The following LOXL2 variants were observed in gnomAD, a reference collection of about 807,000 sequenced individuals.
LOXL2 encodes the protein lysyl oxidase like 2.
A neutral mutation model predicts 93.0 loss-of-function variants in LOXL2; 70 were observed. The ratio of observed to expected loss-of-function variants is 0.75; its 90% CI spans 0.62 to 0.92. LOXL2 has a LOEUF of 0.92. Ranked by LOEUF, LOXL2 falls within the 40% of genes least tolerant of loss-of-function variation. The pLI, the probability that LOXL2 is intolerant of heterozygous loss-of-function variation, is 0.00. For synonymous variants in LOXL2, 438 were observed against 413.2 expected (o/e 1.06, Z -0.73); for missense variants, 973 against 1,054.9 (o/e 0.92, Z 1.08).
At chr8:23,400,431 G>T (rs187260397) in intron 1 of LOXL2, among the ~76,000 whole-genome samples, 1 of 152,176 alleles carries the variant, frequency 6.6e-6, no homozygotes, top group African/African-American at 2.4e-5. Context: ...TCAGGGGAAA[G>T]ATCTACCCCC....
At chr8:23,395,934 A>G (rs1251750580) in intron 1 of LOXL2, among the ~76,000 whole-genome samples, 1 of 152,126 alleles carries the variant, frequency 6.6e-6, no homozygotes, top group Non-Finnish European at 1.5e-5. Context: ...TTGGCCTCCC[A>G]GAGTACTAGA....
chr8:23,388,680 A>G (rs1043096910), intron 1 of LOXL2, among the ~76,000 whole-genome samples: 1 of 150,728 alleles, frequency 6.6e-6, no homozygotes, highest in Admixed American at 6.7e-5. Flanking sequence ...CTAGAAATGT[A>G]CATTTACTCC....
intron 3 of LOXL2, among the ~76,000 whole-genome samples, chr8:23,345,007 T>C (rs147103317): frequency 1.6e-3 from 242 of 152,342 alleles, no homozygotes; most frequent in Admixed American, 4.6e-3. Context: ...ATGACAGCTA[T>C]GGGCATCATT....
intron 4 of LOXL2, among the ~76,000 whole-genome samples, chr8:23,337,764 T>G (rs963822189): frequency 6.6e-6 from 1 of 152,214 alleles, no homozygotes; most frequent in Admixed American, 6.5e-5. Context: ...GCCTGAAGTT[T>G]AAGCTTCATT....
chr8:23,368,791 C>A (rs1320041373), intron 1 of LOXL2, among the ~76,000 whole-genome samples: 1 of 152,132 alleles, frequency 6.6e-6, no homozygotes, highest in African/African-American at 2.4e-5. Flanking sequence ...GGGGCTGTGA[C>A]CACCCTAGGC....
intron 13 of LOXL2, among the ~76,000 whole-genome samples, chr8:23,298,372 A>G (rs138117869): frequency 6.6e-6 from 1 of 152,362 alleles, no homozygotes; most frequent in African/African-American, 2.4e-5. Flanking sequence ...GAGGCCCATG[A>G]CTTTTCCTGC....
At chr8:23,343,881 G>A (rs1585360471) in intron 3 of LOXL2, among the ~76,000 whole-genome samples, 1 of 152,186 alleles carries the variant, frequency 6.6e-6, no homozygotes, top group African/African-American at 2.4e-5. Flanking sequence ...TTCCCACCTC[G>A]GGAGGCTGGG....
intron 4 of LOXL2, among the ~76,000 whole-genome samples, chr8:23,337,857 G>A (rs1212005632): frequency 6.6e-6 from 1 of 152,232 alleles, no homozygotes; most frequent in Non-Finnish European, 1.5e-5. Context: ...AGGCCTTGGT[G>A]AGGAGCCCCT....
At chr8:23,308,368 T>C (rs994709625) in intron 10 of LOXL2, among the ~76,000 whole-genome samples, 3 of 152,192 alleles carry the variant, frequency 2.0e-5, no homozygotes, top group African/African-American at 7.2e-5. Context: ...TGGTGGCAGA[T>C]ACCTCTGGTC....
chr8:23,357,646 A>AT (rs748751771), intron 3 of LOXL2, among the ~76,000 whole-genome samples: 149 of 136,864 alleles, frequency 1.1e-3, no homozygotes, highest in African/African-American at 2.2e-3. Flanking sequence ...GGCCTGTCTT[A>AT]TTTTTTTTTT....
At chr8:23,352,357 T>G (rs951380884) in intron 3 of LOXL2, among the ~76,000 whole-genome samples, 1 of 152,144 alleles carries the variant, frequency 6.6e-6, no homozygotes, top group Non-Finnish European at 1.5e-5. Context: ...GAATGGGGCC[T>G]CTATTTAGGC....
chr8:23,348,429 C>T (rs1218172960), intron 3 of LOXL2, among the ~76,000 whole-genome samples: 1 of 140,496 alleles, frequency 7.1e-6, no homozygotes, highest in Non-Finnish European at 1.5e-5. Flanking sequence ...ATTAGCTGGG[C>T]ACGGTGGCAC....
chr8:23,298,972 G>A (rs772473158), intron 12 of LOXL2, 25 bp from the exon 13 acceptor site: 1 of 1,407,876 alleles, frequency 7.1e-7, no homozygotes, highest in South Asian at 1.2e-5. Flanking sequence ...GGCAGAGGAG[G>A]CTGCTTGTTC....
chr8:23,390,423 C>T (rs185242213), intron 1 of LOXL2, among the ~76,000 whole-genome samples: 3 of 152,274 alleles, frequency 2.0e-5, no homozygotes, highest in East Asian at 3.9e-4. Flanking sequence ...ACTTCAGTCT[C>T]GTCTATTTCT....
In LOXL2 at chr8:23,341,207, G is replaced by A. The variant is rs2117181444; in HGVS notation, c.532-4C>T. ...CCTCCACCTGGATATTCAGGTTCTG[G>A]GAAGAAAGAGGCGTGGAAGGAGAGG... On this transcript the variant is annotated splice_polypyrimidine_tract_variant and splice_region_variant and intron_variant, in intron 3 of 13. Transcript: ENST00000389131. 6.2e-7 allele frequency: 1 copy of A among 1,610,676 alleles called. No homozygotes were observed.
chr8:23,351,601 A>G (rs1454175931), intron 3 of LOXL2, among the ~76,000 whole-genome samples: 2 of 152,196 alleles, frequency 1.3e-5, no homozygotes, highest in East Asian at 1.9e-4. Context: ...GGTTTATTTC[A>G]TCTCACAGAG....
chr8:23,365,531 A>T (rs1554481932), intron 2 of LOXL2: 1 of 149,400 alleles, frequency 6.7e-6, no homozygotes, highest in Non-Finnish European at 1.5e-5. Context: ...TTTTTTTTTC[A>T]AGCATCTGTT....
In LOXL2 at chr8:23,360,276, C is replaced by G. The variant is rs764648552; in HGVS notation, c.356-11G>C. 5.7e-6 allele frequency: 9 copies of G among 1,585,958 alleles called. 1 individual carries two copies. The South Asian group carries it at 7.8e-5, about 14-fold the overall frequency. ...CTAACCAGATGGGCCCTGAAGGAGG[C>G]AGAGAGGAGAGAAACCAAGTGCTGC... On this transcript the variant is annotated splice_polypyrimidine_tract_variant and intron_variant, in intron 2 of 13. Transcript: ENST00000389131.
intron 1 of LOXL2, among the ~76,000 whole-genome samples, chr8:23,388,397 G>C (rs934474851): frequency 2.0e-5 from 3 of 152,078 alleles, no homozygotes. Context: ...GAGCAACATA[G>C]GGAGATCCTG....
Sources: allele counts gnomAD v4.1 joint callset (sites outside exome capture counted in the v4.1 genomes callset), GRCh38; gene constraint gnomAD v4.1.1; transcripts MANE v1.5; gene names NCBI Gene and HGNC (gene_info 2026-07-23, HGNC 2026-07-21).